Variants in RAP1GDS1 observed in about 807,000 individuals in gnomAD.
RAP1GDS1 encodes the protein Rap1 GTPase-GDP dissociation stimulator 1, also known as RAP1, GTP-GDP dissociation stimulator 1.
RAP1GDS1 carries 35 observed loss-of-function variants against 71.1 expected under a neutral mutation model. That is an observed-to-expected ratio of 0.49 (90% confidence interval 0.38 to 0.65). The LOEUF is 0.65. RAP1GDS1 is among the 30% of genes least tolerant of loss of function. RAP1GDS1 has a pLI of 0.00. For synonymous variants in RAP1GDS1, 229 were observed against 243.1 expected, an observed-to-expected ratio of 0.94 and a Z score of 0.54; for missense variants, 663 against 706.1, an observed-to-expected ratio of 0.94 and a Z score of 0.69.
At chr4:98,421,423 A>G in intron 12 of RAP1GDS1, 29 bp downstream of exon 12, 1 of 1,553,564 alleles carries the variant, frequency 6.4e-7, no homozygotes, top group Non-Finnish European at 8.7e-7. Context: ...TGTTCACTAG[A>G]AAACTTCAGA....
chr4:98,279,248 A>T (rs867266942), intron 1 of RAP1GDS1, among the ~76,000 whole-genome samples: 42 of 151,256 alleles, frequency 2.8e-4, no homozygotes, highest in Middle Eastern at 3.4e-3. Flanking sequence ...AAACAAACAA[A>T]AATAATAATA....
intron 2 of RAP1GDS1, among the ~76,000 whole-genome samples, chr4:98,302,729 C>T (rs995080486): frequency 1.5e-4 from 23 of 152,090 alleles, no homozygotes; most frequent in African/African-American, 5.3e-4. Context: ...TCCTCAAGGC[C>T]TCCATGCAAA....
intron 2 of RAP1GDS1, among the ~76,000 whole-genome samples, chr4:98,306,256 G>A (rs146071941): frequency 1.1e-4 from 17 of 152,286 alleles, no homozygotes; most frequent in Non-Finnish European, 1.3e-4. Flanking sequence ...ATTTCTCCCT[G>A]TTATGGAGGC....
intron 3 of RAP1GDS1, 127 bp from the exon 4 acceptor site, chr4:98,352,349 C>CAAA (rs1737334960): frequency 1.1e-5 from 10 of 950,998 alleles, no homozygotes; most frequent in Non-Finnish European, 1.4e-5. Context: ...TTCAAATATT[C>CAAA]AGCCACCTTT....
At chr4:98,311,718 C>T (rs1323800004) in intron 2 of RAP1GDS1, among the ~76,000 whole-genome samples, 4 of 152,196 alleles carry the variant, frequency 2.6e-5, no homozygotes, top group South Asian at 2.1e-4. Flanking sequence ...CTCACGGCAG[C>T]GTTGAACCCC....
At chr4:98,425,675 T>C (rs1291978007) in intron 12 of RAP1GDS1, among the ~76,000 whole-genome samples, 2 of 152,096 alleles carry the variant, frequency 1.3e-5, no homozygotes, top group Non-Finnish European at 2.9e-5. Context: ...CAGGAAAATA[T>C]CACAATCCTG....
At chr4:98,431,814 C>T (rs1361217226) in intron 12 of RAP1GDS1, among the ~76,000 whole-genome samples, 1 of 152,152 alleles carries the variant, frequency 6.6e-6, no homozygotes, top group East Asian at 1.9e-4. Context: ...ATTATTCTGT[C>T]ACATGTGACG....
At chr4:98,351,537 G>T (rs1051404912) in intron 3 of RAP1GDS1, among the ~76,000 whole-genome samples, 1 of 152,060 alleles carries the variant, frequency 6.6e-6, no homozygotes, top group Non-Finnish European at 1.5e-5. Flanking sequence ...AGTAGGACAG[G>T]TTATAGATGG....
At chr4:98,294,975 T>C (rs1385718102) in intron 2 of RAP1GDS1, among the ~76,000 whole-genome samples, 1 of 152,080 alleles carries the variant, frequency 6.6e-6, no homozygotes, top group Non-Finnish European at 1.5e-5. Context: ...CAGTAAACTT[T>C]TAAATAGACC....
chr4:98,316,630 T>C (rs1431970664), intron 2 of RAP1GDS1, among the ~76,000 whole-genome samples: 1 of 152,130 alleles, frequency 6.6e-6, no homozygotes, highest in African/African-American at 2.4e-5. Context: ...TGTTACCAGA[T>C]GGCAGAGGCT....
chr4:98,368,351 A>G (rs1210628645), intron 4 of RAP1GDS1, among the ~76,000 whole-genome samples: 3 of 152,172 alleles, frequency 2.0e-5, no homozygotes, highest in Non-Finnish European at 2.9e-5. Flanking sequence ...CAGCGTGAAA[A>G]CAAACTAATA....
At chr4:98,367,134 C>CT (rs1445911308) in intron 4 of RAP1GDS1, among the ~76,000 whole-genome samples, 4 of 152,134 alleles carry the variant, frequency 2.6e-5, no homozygotes, top group Admixed American at 6.5e-5. Context: ...CCTGCCTACT[C>CT]TGTGCAGCCT....
chr4:98,410,543 A>C (rs1197836420), intron 7 of RAP1GDS1, among the ~76,000 whole-genome samples: 1 of 152,238 alleles, frequency 6.6e-6, no homozygotes, highest in Non-Finnish European at 1.5e-5. Flanking sequence ...CATGTATACC[A>C]GGAACTGTTA....
intron 1 of RAP1GDS1, among the ~76,000 whole-genome samples, chr4:98,271,009 T>C (rs1723378718): frequency 6.6e-6 from 1 of 152,174 alleles, no homozygotes; most frequent in Non-Finnish European, 1.5e-5. Flanking sequence ...ATACATAATA[T>C]GTGTTAATTG....
rs1745872817 is a variant in RAP1GDS1 at position 98,404,614 on chromosome 4, A to G, written c.763+12A>G. 6.3e-7 allele frequency: 1 copy of G among 1,596,798 alleles called. No homozygotes were observed. Among genetic ancestry groups the G allele is most frequent in the Non-Finnish European group, 8.5e-7 (1 of 1,174,356 alleles). On this transcript the variant is annotated intron_variant, in intron 7 of 14. Coordinates refer to ENST00000408927, the MANE Select transcript of RAP1GDS1 (RefSeq NM_001100427.2). ...ATTGGCAGAAAATGGTGAGAAACTT[A>G]AATGCACCTTTGGATTTTTGATCAT... is the stretch of plus-strand genomic sequence containing the variant.
intron 2 of RAP1GDS1, among the ~76,000 whole-genome samples, chr4:98,341,898 G>C (rs932558346): frequency 6.6e-6 from 1 of 152,080 alleles, no homozygotes; most frequent in Admixed American, 6.5e-5. Context: ...TTTACATACA[G>C]TACATATATA....
At chr4:98,419,960 G>T in intron 10 of RAP1GDS1, 59 bp from the exon 11 acceptor site, 1 of 1,436,250 alleles carries the variant, frequency 7.0e-7, no homozygotes, top group South Asian at 1.4e-5. Flanking sequence ...GTATTGAATT[G>T]AATGTTTATC....
intron 2 of RAP1GDS1, among the ~76,000 whole-genome samples, chr4:98,327,786 G>A (rs974556052): frequency 1.3e-5 from 2 of 152,112 alleles, no homozygotes; most frequent in Non-Finnish European, 2.9e-5. Context: ...CCACATTTGA[G>A]CAACAAGGGA....
In RAP1GDS1 at chr4:98,420,014, T is replaced by A. The variant is rs371674332; in HGVS notation, c.1175-5T>A. The stretch of plus-strand genomic sequence containing the variant: ...ATTTTAACCATAGTCTCTCTTTTTC[T>A]CCAGTTATAAATAAAGCAAAGATGT... On this transcript the variant is annotated splice_polypyrimidine_tract_variant and splice_region_variant and intron_variant, in intron 10 of 14. Coordinates refer to ENST00000408927, the MANE Select transcript of RAP1GDS1 (RefSeq NM_001100427.2). The A allele has an allele frequency of 6.3e-7, 1 of 1,587,606 alleles. No homozygotes were observed. The highest frequency in any genetic ancestry group is 2.3e-5 in the East Asian group (1 of 44,090).
Sources: allele counts gnomAD v4.1 joint callset (sites outside exome capture counted in the v4.1 genomes callset), GRCh38; gene constraint gnomAD v4.1.1; transcripts MANE v1.5; gene names NCBI Gene and HGNC (gene_info 2026-07-23, HGNC 2026-07-21).